SORCS3: variants seen among roughly 807,000 people sequenced by gnomAD.
SORCS3 encodes sortilin related VPS10 domain containing receptor 3, also known as VPS10 domain-containing receptor SorCS3.
In SORCS3, 57 loss-of-function variants were observed where a neutral mutation model predicts 146.3. The ratio of observed to expected loss-of-function variants is 0.39; its 90% CI spans 0.31 to 0.49. The LOEUF (loss-of-function observed/expected upper bound fraction) is 0.49. Among genes scored for constraint, SORCS3 ranks in the 20% least tolerant of loss-of-function variants. The pLI is 0.92. For synonymous variants in SORCS3, 653 were observed against 618.5 expected, an observed-to-expected ratio of 1.06 and a Z score of -0.83; for missense variants, 1,341 against 1,575.5, an observed-to-expected ratio of 0.85 and a Z score of 2.52.
intron 3 of SORCS3, among the ~76,000 whole-genome samples, chr10:104,946,717 G>T (rs573014083): frequency 1.3e-3 from 204 of 152,246 alleles, no homozygotes; most frequent in Non-Finnish European, 2.2e-3. Context: ...CCTCCCTGTG[G>T]GTATGAAGTT....
At chr10:104,826,522 G>A (rs2017937242) in intron 1 of SORCS3, among the ~76,000 whole-genome samples, 1 of 152,188 alleles carries the variant, frequency 6.6e-6, no homozygotes, top group South Asian at 2.1e-4. Context: ...TCTATTAAGT[G>A]TTAAGTAGCA....
intron 1 of SORCS3, among the ~76,000 whole-genome samples, chr10:104,798,466 C>T (rs1282440198): frequency 6.6e-6 from 1 of 152,124 alleles, no homozygotes. Flanking sequence ...TTTAAAAATG[C>T]AAATTTGATA....
Position 105,223,028 on chromosome 10 carries a change from T to C in SORCS3, c.2735-88T>C, listed in dbSNP as rs147071894. 19 of 1,369,858 alleles carry C rather than the reference T, an allele frequency of 1.4e-5. No homozygotes were observed. In the African/African-American group the frequency reaches 2.6e-4, roughly 19 times the overall value. 84.9% of individuals were successfully genotyped at this position (1,369,858 alleles called of 1,614,324 possible). On this transcript the variant is annotated intron_variant, in intron 19 of 26. Coordinates refer to ENST00000369701, the MANE Select transcript of SORCS3 (RefSeq NM_014978.3). ...CTTCCTTTTTTACAGGAGATGCGAA[T>C]AGAATTTAAGGTTAAGAATCTAGGG...
intron 2 of SORCS3, among the ~76,000 whole-genome samples, chr10:104,855,211 T>A (rs913770157): frequency 6.6e-6 from 1 of 152,190 alleles, no homozygotes; most frequent in Non-Finnish European, 1.5e-5. Flanking sequence ...GCCAGTACCA[T>A]CCTCTTCATA....
At chr10:105,045,222 A>G (rs924214944) in intron 5 of SORCS3, among the ~76,000 whole-genome samples, 7 of 152,038 alleles carry the variant, frequency 4.6e-5, no homozygotes, top group Non-Finnish European at 7.4e-5. Context: ...ACATTTTCCT[A>G]TATTTTGCAA....
At chr10:105,223,020 G>A in intron 19 of SORCS3, 96 bp from the exon 20 acceptor site, 1 of 1,299,086 alleles carries the variant, frequency 7.7e-7, no homozygotes, top group Non-Finnish European at 1.0e-6. Flanking sequence ...TTTTACAGGA[G>A]ATGCGAATAG....
At chr10:104,702,632 G>A (rs2016293626) in intron 1 of SORCS3, among the ~76,000 whole-genome samples, 2 of 152,168 alleles carry the variant, frequency 1.3e-5, no homozygotes, top group East Asian at 1.9e-4. Context: ...CATTTCCAAT[G>A]TTTGCATTTT....
At chr10:105,221,276 TC>T (rs945203470) in intron 19 of SORCS3, among the ~76,000 whole-genome samples, 2 of 152,098 alleles carry the variant, frequency 1.3e-5, no homozygotes, top group African/African-American at 4.8e-5. Context: ...CCAAACACTT[TC>T]CCCTTCAACA....
intron 1 of SORCS3, among the ~76,000 whole-genome samples, chr10:104,685,914 TA>T (rs1451698076): frequency 1.3e-5 from 2 of 152,322 alleles, no homozygotes; most frequent in East Asian, 3.9e-4. Context: ...TTTTTGCTTC[TA>T]TTCTGGGCTT....
At chr10:104,969,648 G>A (rs1191878324) in intron 3 of SORCS3, among the ~76,000 whole-genome samples, 1 of 152,128 alleles carries the variant, frequency 6.6e-6, no homozygotes, top group East Asian at 1.9e-4. Flanking sequence ...GTCAGAGAAA[G>A]GTAGTAATAA....
At chr10:104,812,846 A>G (rs1168870378) in intron 1 of SORCS3, among the ~76,000 whole-genome samples, 2 of 152,242 alleles carry the variant, frequency 1.3e-5, no homozygotes, top group Non-Finnish European at 2.9e-5. Context: ...GGAAGTATGC[A>G]CCAGTTTCAT....
At chr10:105,010,005 C>G (rs972401666) in intron 4 of SORCS3, among the ~76,000 whole-genome samples, 3 of 152,084 alleles carry the variant, frequency 2.0e-5, no homozygotes, top group African/African-American at 7.2e-5. Flanking sequence ...AAGATTTGTC[C>G]CAAAGTCAAT....
intron 7 of SORCS3, among the ~76,000 whole-genome samples, chr10:105,112,739 C>T (rs1320289447): frequency 6.6e-6 from 1 of 152,120 alleles, no homozygotes; most frequent in Non-Finnish European, 1.5e-5. Context: ...CAGATGCTTA[C>T]TGGTTTGGCT....
chr10:104,746,343 A>T (rs1301425277), intron 1 of SORCS3, among the ~76,000 whole-genome samples: 1 of 152,032 alleles, frequency 6.6e-6, no homozygotes, highest in Non-Finnish European at 1.5e-5. Context: ...TCACCATGTT[A>T]GCCAGGATGG....
At chr10:104,679,551 C>T (rs909621850) in intron 1 of SORCS3, among the ~76,000 whole-genome samples, 3 of 152,218 alleles carry the variant, frequency 2.0e-5, no homozygotes, top group African/African-American at 7.2e-5. Context: ...ATCCCCTTTA[C>T]ACCAAATCTA....
chr10:105,238,798 CT>C (rs543489845), intron 20 of SORCS3, among the ~76,000 whole-genome samples: 3 of 152,208 alleles, frequency 2.0e-5, no homozygotes, highest in Non-Finnish European at 4.4e-5. Context: ...AGGGAAAGTG[CT>C]TTTTTAACCT....
chr10:104,869,792 T>C (rs2018499638), intron 2 of SORCS3, among the ~76,000 whole-genome samples: 1 of 152,258 alleles, frequency 6.6e-6, no homozygotes, highest in African/African-American at 2.4e-5. Flanking sequence ...GACATCCTTC[T>C]GGCTAGGTTG....
intron 1 of SORCS3, among the ~76,000 whole-genome samples, chr10:104,750,032 C>A (rs1462043104): frequency 2.0e-5 from 3 of 152,056 alleles, no homozygotes; most frequent in Admixed American, 6.6e-5. Flanking sequence ...ATTTTAAAAG[C>A]AATTTGTTTG....
intron 4 of SORCS3, among the ~76,000 whole-genome samples, chr10:105,007,127 A>C (rs2055101276): frequency 6.6e-6 from 1 of 152,214 alleles, no homozygotes; most frequent in African/African-American, 2.4e-5. Flanking sequence ...AAGTTATTCT[A>C]ATCTAGTGTT....
Sources: allele counts gnomAD v4.1 joint callset (sites outside exome capture counted in the v4.1 genomes callset), GRCh38; gene constraint gnomAD v4.1.1; transcripts MANE v1.5; gene names NCBI Gene and HGNC (gene_info 2026-07-23, HGNC 2026-07-21).